HSPA4: variants seen among roughly 807,000 people sequenced by gnomAD.
The protein encoded by HSPA4 is heat shock 70 kDa protein 4.
A neutral mutation model predicts 106.2 loss-of-function variants in HSPA4; 25 were observed. That is an observed-to-expected ratio of 0.24 (90% CI 0.17 to 0.33). The LOEUF (loss-of-function observed/expected upper bound fraction) is 0.33. HSPA4 is among the 10% of genes least tolerant of loss of function. The pLI, the probability that HSPA4 is intolerant of heterozygous loss-of-function variation, is 1.00. For missense variants in HSPA4, 841 were observed against 996.0 expected, an observed-to-expected ratio of 0.84 and a Z score of 2.10; for synonymous variants, 332 against 333.6, an observed-to-expected ratio of 1.00 and a Z score of 0.05.
chr5:133,101,692 G>C (rs1765787036), intron 16 of HSPA4, 67 bp from the exon 17 acceptor site: 2 of 1,460,072 alleles, frequency 1.4e-6, no homozygotes, highest in Non-Finnish European at 1.9e-6. Context: ...TTTATCACTA[G>C]TTTTAGTGGA....
intron 13 of HSPA4, among the ~76,000 whole-genome samples, chr5:133,094,946 A>G (rs13169459): frequency 6.6e-6 from 1 of 152,318 alleles, no homozygotes; most frequent in East Asian, 1.9e-4. Flanking sequence ...TATGAAAGCA[A>G]CATAAGTAAT....
At chr5:133,103,129 G>T (rs373699200) in intron 17 of HSPA4, among the ~76,000 whole-genome samples, 4 of 149,260 alleles carry the variant, frequency 2.7e-5, no homozygotes, top group African/African-American at 9.9e-5. Flanking sequence ...TGGTGTGATC[G>T]TAGTTCACTG....
intron 3 of HSPA4, among the ~76,000 whole-genome samples, chr5:133,069,885 C>T (rs1393483483): frequency 6.6e-6 from 1 of 152,148 alleles, no homozygotes; most frequent in African/African-American, 2.4e-5. Context: ...CTAAAATAGG[C>T]TATGCGTGGT....
In HSPA4 at chr5:133,086,785, C is replaced by T. The variant is rs1421458357; in HGVS notation, c.912C>T (p.Gly304=). ...TGTTTTGTTTTGTTTTTTATAGAGG[C>T]AAATTTCTGGAGATGTGCAATGATC... ...DVDVSGTMNR[G]KFLEMCNDLL... is the part of the protein sequence containing the mutation. The change falls in exon 8 of 19, where the codon GGC becomes GGT. Residue 304 remains glycine (G), a synonymous_variant. Transcript: ENST00000304858. 1.2e-6 allele frequency: 2 copies of T among 1,612,044 alleles called. No individual in the cohort carries two copies. The highest frequency in any genetic ancestry group is 1.3e-5 in the African/African-American group (1 of 74,998).
At chr5:133,069,595 C>T (rs1443610691) in intron 3 of HSPA4, among the ~76,000 whole-genome samples, 1 of 152,152 alleles carries the variant, frequency 6.6e-6, no homozygotes, top group East Asian at 1.9e-4. Flanking sequence ...GTGCCAGGTC[C>T]TGTTCTAGGT....
intron 7 of HSPA4, among the ~76,000 whole-genome samples, chr5:133,086,299 C>T (rs531680337): frequency 2.6e-5 from 4 of 152,326 alleles, no homozygotes; most frequent in African/African-American, 7.2e-5. Context: ...TTGGTAGCCG[C>T]TCGTCTCCTT....
At chr5:133,057,360 C>CTTT (rs74273264) in intron 1 of HSPA4, among the ~76,000 whole-genome samples, 33 of 139,514 alleles carry the variant, frequency 2.4e-4, no homozygotes, top group African/African-American at 8.2e-4. Flanking sequence ...TTCTGCGTAC[C>CTTT]TTTTTTTTTT....
chr5:133,071,617 T>C (rs1765382383), intron 4 of HSPA4, among the ~76,000 whole-genome samples: 1 of 152,210 alleles, frequency 6.6e-6, no homozygotes, highest in South Asian at 2.1e-4. Context: ...AATCTCCTCA[T>C]TCTGTAATTG....
intron 15 of HSPA4, among the ~76,000 whole-genome samples, chr5:133,098,436 G>A (rs994850555): frequency 3.3e-5 from 5 of 150,692 alleles, no homozygotes; most frequent in Admixed American, 2.6e-4. Flanking sequence ...CTCAGCCTCC[G>A]GAGTAGCCGG....
At chr5:133,101,949 C>T (rs926674902) in intron 17 of HSPA4, 71 bp downstream of exon 17, 47 of 934,150 alleles carry the variant, frequency 5.0e-5, no homozygotes, top group South Asian at 2.7e-4. Flanking sequence ...TTTTTTGAGA[C>T]GGAGTCTTGC....
chr5:133,074,502 T>A (rs758075867), intron 6 of HSPA4, among the ~76,000 whole-genome samples: 1 of 152,156 alleles, frequency 6.6e-6, no homozygotes, highest in African/African-American at 2.4e-5. Flanking sequence ...GGTCTCGAAC[T>A]CCCGACCTGA....
intron 1 of HSPA4, among the ~76,000 whole-genome samples, chr5:133,060,181 T>A (rs536614661): frequency 6.6e-6 from 1 of 152,216 alleles, no homozygotes; most frequent in East Asian, 1.9e-4. Context: ...ATATAATTTT[T>A]ATTTTTTTCT....
intron 15 of HSPA4, among the ~76,000 whole-genome samples, chr5:133,098,229 A>G (rs1765739108): frequency 6.6e-6 from 1 of 152,204 alleles, no homozygotes; most frequent in African/African-American, 2.4e-5. Flanking sequence ...AGTTGCTGCA[A>G]AAGACATTAT....
chr5:133,067,681 C>G (rs1765325784), intron 3 of HSPA4, 124 bp downstream of exon 3: 9 of 830,700 alleles, frequency 1.1e-5, no homozygotes, highest in Non-Finnish European at 1.7e-5. Flanking sequence ...TTAGGGAAAG[C>G]TTTTTTCTAG....
intron 7 of HSPA4, among the ~76,000 whole-genome samples, chr5:133,083,843 A>G (rs1262608864): frequency 6.6e-6 from 1 of 152,056 alleles, no homozygotes; most frequent in Non-Finnish European, 1.5e-5. Flanking sequence ...CCTGGCCTCA[A>G]TTTTGTTTTT....
chr5:133,061,923 C>T (rs1475507678), intron 1 of HSPA4, among the ~76,000 whole-genome samples: 1 of 152,192 alleles, frequency 6.6e-6, no homozygotes, highest in African/African-American at 2.4e-5. Context: ...CGTGAGCCAC[C>T]GTGCCCGGTA....
intron 7 of HSPA4, among the ~76,000 whole-genome samples, chr5:133,077,384 C>T (rs1765458908): frequency 6.6e-6 from 1 of 152,070 alleles, no homozygotes; most frequent in Admixed American, 6.6e-5. Context: ...GTTATAGGTG[C>T]CTGCCACCAC....
At chr5:133,066,907 C>T (rs954676928) in intron 2 of HSPA4, among the ~76,000 whole-genome samples, 4 of 151,704 alleles carry the variant, frequency 2.6e-5, no homozygotes, top group African/African-American at 7.3e-5. Context: ...GTAGAGACAG[C>T]GTTTCACCAT....
chr5:133,073,369 C>T, intron 5 of HSPA4, 40 bp downstream of exon 5: 1 of 1,357,180 alleles, frequency 7.4e-7, no homozygotes, highest in Non-Finnish European at 1.0e-6. Flanking sequence ...CTTGGTTAAT[C>T]TTGAAGATTG....
Sources: allele counts gnomAD v4.1 joint callset (sites outside exome capture counted in the v4.1 genomes callset), GRCh38; gene constraint gnomAD v4.1.1; transcripts MANE v1.5; gene names NCBI Gene and HGNC (gene_info 2026-07-23, HGNC 2026-07-21).